The following SFI1 variants were observed in gnomAD, a reference collection of about 807,000 sequenced individuals.
SFI1 encodes protein SFI1 homolog.
In SFI1, 195 loss-of-function variants were observed where a neutral mutation model predicts 207.5. The ratio of observed to expected loss-of-function variants is 0.94; its 90% CI spans 0.84 to 1.06. SFI1 has a LOEUF of 1.06. Among genes scored for constraint, SFI1 ranks in the 50% least tolerant of loss-of-function variants. SFI1 has a pLI of 0.00. For synonymous variants in SFI1, 630 were observed against 598.9 expected (o/e 1.05, Z -0.76); for missense variants, 1,634 against 1,588.0 (o/e 1.03, Z -0.49).
intron 15 of SFI1, among the ~76,000 whole-genome samples, chr22:31,592,819 A>G: frequency 1.0e-5 from 1 of 97,432 alleles, no homozygotes; most frequent in African/African-American, 4.5e-5. Context: ...TGACCCCCCC[A>G]CCTCCCTCCC....
intron 2 of SFI1, among the ~76,000 whole-genome samples, 164 bp downstream of exon 2, chr22:31,508,540 A>G (rs2055008668): frequency 1.3e-5 from 2 of 152,188 alleles, no homozygotes; most frequent in Admixed American, 1.3e-4. Context: ...GATAATACAC[A>G]TTTCGTACAT....
intron 2 of SFI1, among the ~76,000 whole-genome samples, chr22:31,527,483 C>T (rs2058043369): frequency 6.6e-6 from 1 of 152,186 alleles, no homozygotes; most frequent in African/African-American, 2.4e-5. Flanking sequence ...ACCTGTAATG[C>T]CAGCATTTTG....
At chr22:31,556,707 C>T (rs1355816668) in intron 6 of SFI1, among the ~76,000 whole-genome samples, 2 of 152,162 alleles carry the variant, frequency 1.3e-5, no homozygotes, top group African/African-American at 4.8e-5. Flanking sequence ...GGTTTTTGAG[C>T]AGTTCAGTAC....
At chr22:31,615,470 G>T (rs2071256187) in intron 29 of SFI1, 191 bp downstream of exon 29, 3 of 460,818 alleles carry the variant, frequency 6.5e-6, no homozygotes, top group Non-Finnish European at 1.1e-5. Flanking sequence ...CCAGCCAAGG[G>T]CCCTGCCATC....
chr22:31,559,779 C>T (rs1014111125), intron 7 of SFI1: 2 of 742,678 alleles, frequency 2.7e-6, no homozygotes, highest in Admixed American at 1.8e-5. Flanking sequence ...CAGGTCCTAG[C>T]CAGTGGTCTG....
chr22:31,588,818 A>C (rs991560203), intron 14 of SFI1, among the ~76,000 whole-genome samples: 2 of 151,940 alleles, frequency 1.3e-5, no homozygotes, highest in African/African-American at 4.8e-5. Context: ...TCTCAAAAAA[A>C]AAAAAACAAA....
At chr22:31,551,746 T>G (rs142993059) in intron 6 of SFI1, among the ~76,000 whole-genome samples, 1 of 152,316 alleles carries the variant, frequency 6.6e-6, no homozygotes, top group East Asian at 1.9e-4. Flanking sequence ...TTTAATTCTA[T>G]AAGAAACTGG....
chr22:31,599,896 A>G (rs977998635), intron 15 of SFI1, among the ~76,000 whole-genome samples: 2 of 150,416 alleles, frequency 1.3e-5, no homozygotes, highest in Non-Finnish European at 3.0e-5. Flanking sequence ...TTTTTTTTTA[A>G]GAAATAAATC....
At position 31,550,594 on chromosome 22, in the gene SFI1, A is replaced by G. The variant is rs1428506132; in HGVS notation, c.544+246A>G. On this transcript the variant is annotated intron_variant, in intron 6 of 32. Coordinates refer to ENST00000400288, the MANE Select transcript of SFI1 (RefSeq NM_001007467.3). The stretch of plus-strand genomic sequence containing the variant: ...ACTCATTTAATCAGAATTTGTGTGA[A>G]CTGGCTGTTCCTGGCCTGCTGGTTC... 5 of 395,654 alleles carry G rather than the reference A, an allele frequency of 1.3e-5. No individual in the cohort carries two copies. The East Asian group carries it at 1.5e-4, about 11-fold the overall frequency. The allele number at this position is 395,654 out of a possible 1,614,324, so 24.5% of individuals were successfully genotyped here. A position where few individuals can be genotyped will look rare whatever the true frequency, so the allele number is the denominator to read the frequency against.
rs1358791832 is a variant in SFI1 at position 31,591,624 on chromosome 22, C to A, written c.1544+2047C>A. ...TGACCCCCCCCACCTCCCTCCCGGA[C>A]GGGGCGGCTGGCCGGGCGGGGGGCT... On this transcript the variant is annotated intron_variant, in intron 15 of 32. Transcript: ENST00000400288. Among the ~76,000 whole-genome samples the A allele has an allele frequency of 2.6e-5, 3 of 114,578 alleles. 1 individual carries two copies. The highest frequency in any genetic ancestry group is 7.4e-5 in the African/African-American group (2 of 26,874). 75.2% of individuals were successfully genotyped at this position (114,578 alleles called of 152,430 possible). A position where few individuals can be genotyped will look rare whatever the true frequency, so the allele number is the denominator to read the frequency against.
chr22:31,549,312 AAAAG>A (rs2060404810), intron 5 of SFI1, among the ~76,000 whole-genome samples: 1 of 150,628 alleles, frequency 6.6e-6, no homozygotes, highest in Admixed American at 6.6e-5. Context: ...AAAAAAAAAA[AAAAG>A]ACAAGATTGT....
chr22:31,587,952 G>A (rs1189221683), intron 14 of SFI1: 1 of 152,182 alleles, frequency 6.6e-6, no homozygotes, highest in Non-Finnish European at 1.5e-5. Flanking sequence ...AGGAGTGTAT[G>A]TACCTATCTA....
chr22:31,529,144 CT>C, intron 3 of SFI1: 1 of 341,624 alleles, frequency 2.9e-6, no homozygotes, highest in Non-Finnish European at 5.3e-6. Flanking sequence ...AGGAACTACT[CT>C]TTTTTGCTAT....
chr22:31,595,036 G>A (rs61385137), intron 15 of SFI1, among the ~76,000 whole-genome samples: 1,688 of 151,388 alleles, frequency 0.011, 37 homozygotes, highest in African/African-American at 0.039. Flanking sequence ...TTGTCCTTTC[G>A]CCCAGGCTGG....
intron 15 of SFI1, among the ~76,000 whole-genome samples, chr22:31,591,272 A>G (rs1480724625): frequency 2.0e-5 from 3 of 152,164 alleles, no homozygotes; most frequent in African/African-American, 7.2e-5. Flanking sequence ...TTCAGAGAGC[A>G]CAGGGTTGGG....
chr22:31,595,812 T>C (rs544374988), intron 15 of SFI1, among the ~76,000 whole-genome samples: 8 of 152,258 alleles, frequency 5.3e-5, no homozygotes, highest in Admixed American at 4.6e-4. Context: ...ACCCTATAGA[T>C]AGATATTCGA....
At chr22:31,551,853 A>G (rs932420575) in intron 6 of SFI1, among the ~76,000 whole-genome samples, 2 of 152,210 alleles carry the variant, frequency 1.3e-5, no homozygotes, top group African/African-American at 4.8e-5. Flanking sequence ...TTGTATTGTC[A>G]TTAAAATTTT....
Position 31,618,303 on chromosome 22 carries a change from C to A in SFI1, c.3625-11C>A. On this transcript the variant is annotated splice_polypyrimidine_tract_variant and intron_variant, in intron 32 of 32. Coordinates refer to ENST00000400288, the MANE Select transcript of SFI1 (RefSeq NM_001007467.3). ...TCCCTCTCAGCCCTGCCTGTCCCTC[C>A]ATGGCCCCAGGTGGAAATGCAGATC... The A allele has an allele frequency of 6.2e-7, 1 of 1,608,296 alleles. No homozygotes were observed.
Position 31,616,741 on chromosome 22 carries a change from G to T in SFI1, c.3301-4G>T, listed in dbSNP as rs1178453912. On this transcript the variant is annotated splice_region_variant and splice_polypyrimidine_tract_variant and intron_variant, in intron 29 of 32. Coordinates refer to ENST00000400288, the MANE Select transcript of SFI1 (RefSeq NM_001007467.3). ...CTCAGCATCTACCCTTCTTTCCTTT[G>T]CAGGTGTCAGCACAGCGGGCTACTC... 1 of 1,535,982 alleles carries T rather than the reference G, an allele frequency of 6.5e-7. No homozygotes were observed. Among genetic ancestry groups the T allele is most frequent in the African/African-American group, 1.4e-5 (1 of 71,950 alleles).
Sources: allele counts gnomAD v4.1 joint callset (sites outside exome capture counted in the v4.1 genomes callset), GRCh38; gene constraint gnomAD v4.1.1; transcripts MANE v1.5; gene names NCBI Gene and HGNC (gene_info 2026-07-23, HGNC 2026-07-21).